Variants in LRRC3 observed in about 807,000 individuals in gnomAD.
LRRC3 encodes the protein leucine-rich repeat-containing protein 3.
For synonymous variants in LRRC3, 172 were observed against 164.1 expected (o/e 1.05, Z -0.37); for missense variants, 351 against 361.6 (o/e 0.97, Z 0.24).
Position 44,457,458 on chromosome 21 carries a change from T to G in LRRC3, c.*40T>G. 6.5e-7 allele frequency: 1 copy of G among 1,536,860 alleles called. No homozygotes were observed. ...GACCCCCGCCGGTGGCTGCTGTCACTTTTGTAGTAGGTGGTGACTGATGCT... is the reference window on the plus strand; with the variant it reads ...GACCCCCGCCGGTGGCTGCTGTCACGTTTGTAGTAGGTGGTGACTGATGCT... On this transcript the variant is annotated 3_prime_UTR_variant, in exon 2 of 2. Transcript: ENST00000291592.
Position 44,458,442 on chromosome 21 carries a change from G to A in LRRC3, c.*1024G>A, listed in dbSNP as rs1375160447. On this transcript the variant is annotated 3_prime_UTR_variant, in exon 2 of 2. Coordinates refer to ENST00000291592, the MANE Select transcript of LRRC3 (RefSeq NM_030891.6). The stretch of plus-strand genomic sequence containing the variant: ...GCCTCCCAAAGTGCTGGGATTACAG[G>A]CGTCAGCCACCGCGCCCGGCCCTGT... The A allele has an allele frequency of 3.6e-5, 6 of 167,050 alleles. No homozygotes were observed. Among genetic ancestry groups the A allele is most frequent in the South Asian group, 2.1e-4 (1 of 4,834 alleles). 10.3% of individuals were successfully genotyped at this position (167,050 alleles called of 1,614,324 possible).
chr21:44,456,932 TC>T lies in LRRC3; in HGVS notation c.289del (p.His97ThrfsTer64). Reference protein sequence around the residue: ...LHRLRELDLSHNAIEAIGSAT... With the variant: ...LHRLRELDLSXNAIEAIGSAT... ...ACCGGCTCAGGGAGCTGGATCTGTC[TC>T]ACAACGCCATCGAGGCCATCGGCTC... On this transcript the variant is annotated frameshift_variant, in exon 2 of 2. Transcript: ENST00000291592. LOFTEE classifies it low-confidence loss of function (END_TRUNC). 1 of 1,610,684 alleles carries T rather than the reference TC, an allele frequency of 6.2e-7. No homozygotes were observed.
Position 44,456,617 on chromosome 21 carries a change from C to T in LRRC3, c.-28C>T, listed in dbSNP as rs756777352. ...ATCCCCAGGCCCTAGCAGAGGCTCG[C>T]GTGTCCCCGTCCCCAGGTCAGGTCA... On this transcript the variant is annotated 5_prime_UTR_variant, in exon 2 of 2. Transcript: ENST00000291592. 90 of 1,551,144 alleles carry T rather than the reference C, an allele frequency of 5.8e-5. 1 individual carries two copies. The South Asian group carries it at 9.7e-4, about 17-fold the overall frequency.
At position 44,455,582 on chromosome 21, in the gene LRRC3, G is replaced by A. The variant is rs1331447326; in HGVS notation, c.-221G>A. ...CAGCGGGGTGGCCGCCGCGCCAGGC[G>A]TGGAGCTGGGTCTGGCGGGCTCCGA... On this transcript the variant is annotated 5_prime_UTR_variant, in exon 1 of 2. It adds an upstream start codon to the 5' untranslated region. Coordinates refer to ENST00000291592, the MANE Select transcript of LRRC3 (RefSeq NM_030891.6). 1 of 151,644 alleles carries A rather than the reference G, an allele frequency of 6.6e-6. No homozygotes were observed. The highest frequency in any genetic ancestry group is 6.6e-5 in the Admixed American group (1 of 15,236). The allele number at this position is 151,644 out of a possible 1,614,324, so 9.4% of individuals were successfully genotyped here. A position where few individuals can be genotyped will look rare whatever the true frequency, so the allele number is the denominator to read the frequency against.
In LRRC3 at chr21:44,457,617, G is replaced by A; in HGVS notation, c.*199G>A. 1.7e-6 allele frequency: 1 copy of A among 605,908 alleles called. No homozygotes were observed. The highest frequency in any genetic ancestry group is 2.9e-6 in the Non-Finnish European group (1 of 342,646). 37.5% of individuals were successfully genotyped at this position (605,908 alleles called of 1,614,324 possible). A position where few individuals can be genotyped will look rare whatever the true frequency, so the allele number is the denominator to read the frequency against. ...ACGGATGAGGAACCTGAAGCTTAGA[G>A]GAACGGAATGACTGCCCGTGACGAT... On this transcript the variant is annotated 3_prime_UTR_variant, in exon 2 of 2. Transcript: ENST00000291592.
Position 44,459,354 on chromosome 21 carries a change from G to A in LRRC3, c.*1936G>A, listed in dbSNP as rs1443217092. The A allele has an allele frequency of 2.0e-5, 3 of 152,318 alleles. No homozygotes were observed. The highest frequency in any genetic ancestry group is 1.9e-4 in the East Asian group (1 of 5,196). The allele number at this position is 152,318 out of a possible 1,614,324, so 9.4% of individuals were successfully genotyped here. On this transcript the variant is annotated 3_prime_UTR_variant, in exon 2 of 2. Coordinates refer to ENST00000291592, the MANE Select transcript of LRRC3 (RefSeq NM_030891.6). Reference sequence around the variant, plus strand: ...GTGGGGATTTCCTTCCAGAGGACACGTGGCTGAAAGCATAGGATAAGGATG... The same window carrying A: ...GTGGGGATTTCCTTCCAGAGGACACATGGCTGAAAGCATAGGATAAGGATG...
Position 44,457,533 on chromosome 21 carries a change from T to C in LRRC3, c.*115T>C, listed in dbSNP as rs1284990880. ...TGTCACAGCCATGTGTGCTCCCCAC[T>C]GTTGCACTCAGGCACAGCAGCACCT... On this transcript the variant is annotated 3_prime_UTR_variant, in exon 2 of 2. Coordinates refer to ENST00000291592, the MANE Select transcript of LRRC3 (RefSeq NM_030891.6). 1.3e-5 allele frequency: 16 copies of C among 1,220,230 alleles called. No homozygotes were observed. Among genetic ancestry groups the C allele is most frequent in the African/African-American group, 1.5e-5 (1 of 65,410 alleles). 75.6% of individuals were successfully genotyped at this position (1,220,230 alleles called of 1,614,324 possible). A position where few individuals can be genotyped will look rare whatever the true frequency, so the allele number is the denominator to read the frequency against.
Position 44,457,675 on chromosome 21 carries a change from C to T in LRRC3, c.*257C>T, listed in dbSNP as rs1436927643. On this transcript the variant is annotated 3_prime_UTR_variant, in exon 2 of 2. Transcript: ENST00000291592. ...GGAAATTATCCCAGTGGAACTTCAA[C>T]CCGGGCTGTCCATCGTGACATTCCG... The T allele has an allele frequency of 1.9e-6, 1 of 520,560 alleles. No homozygotes were observed. The highest frequency in any genetic ancestry group is 1.9e-5 in the African/African-American group (1 of 51,350). 32.2% of individuals were successfully genotyped at this position (520,560 alleles called of 1,614,324 possible). A position where few individuals can be genotyped will look rare whatever the true frequency, so the allele number is the denominator to read the frequency against.
Position 44,460,187 on chromosome 21 carries a change from C to A in LRRC3, c.*2769C>A, listed in dbSNP as rs2051734717. 2 of 152,658 alleles carry A rather than the reference C, an allele frequency of 1.3e-5. No homozygotes were observed. Among genetic ancestry groups the A allele is most frequent in the Non-Finnish European group, 1.5e-5 (1 of 68,248 alleles). The allele number at this position is 152,658 out of a possible 1,614,324, so 9.5% of individuals were successfully genotyped here. On this transcript the variant is annotated 3_prime_UTR_variant, in exon 2 of 2. Coordinates refer to ENST00000291592, the MANE Select transcript of LRRC3 (RefSeq NM_030891.6). The stretch of plus-strand genomic sequence containing the variant: ...CCCTCCACTTCCTTTCTCTGCCGTC[C>A]CCTCCTCTCCCATCTTGTGACCTCT...
At position 44,457,507 on chromosome 21, in the gene LRRC3, G is replaced by A; in HGVS notation, c.*89G>A. 3 of 1,410,404 alleles carry A rather than the reference G, an allele frequency of 2.1e-6. No homozygotes were observed. Among genetic ancestry groups the A allele is most frequent in the Admixed American group, 2.5e-5 (1 of 40,738 alleles). 87.4% of individuals were successfully genotyped at this position (1,410,404 alleles called of 1,614,324 possible). ...CTGCTTTTGCTCTTCCCTGAGGCAG[G>A]TGTCACAGCCATGTGTGCTCCCCAC... On this transcript the variant is annotated 3_prime_UTR_variant, in exon 2 of 2. Transcript: ENST00000291592.
intron 1 of LRRC3, among the ~76,000 whole-genome samples, chr21:44,456,141 C>T (rs1377007219): frequency 6.6e-6 from 1 of 152,116 alleles, no homozygotes; most frequent in East Asian, 1.9e-4. Context: ...CTGGCGTCCA[C>T]CCTGAGGAGG....
At position 44,456,577 on chromosome 21, in the gene LRRC3, G is replaced by C. The variant is rs1267687694; in HGVS notation, c.-68G>C. On this transcript the variant is annotated 5_prime_UTR_variant, in exon 2 of 2. Transcript: ENST00000291592. Reference sequence around the variant, plus strand: ...TGTCTGGTTGGATAAGGCCTTGCCTGCGGAAACCAGCTCCATCCCCAGGCC... The same window carrying C: ...TGTCTGGTTGGATAAGGCCTTGCCTCCGGAAACCAGCTCCATCCCCAGGCC... 2.0e-6 allele frequency: 3 copies of C among 1,496,748 alleles called. No homozygotes were observed. 92.7% of individuals were successfully genotyped at this position (1,496,748 alleles called of 1,614,324 possible).
rs528323849 is a variant in LRRC3, at chr21:44,458,161, A to C, written c.*743A>C. On this transcript the variant is annotated 3_prime_UTR_variant, in exon 2 of 2. Transcript: ENST00000291592. ...GCCCAGGGGAAGACAGCAGCCACAT[A>C]CCTGGGGGCCCGCCTGCTTCCTGCC... 6.2e-6 allele frequency: 1 copy of C among 160,658 alleles called. No individual in the cohort carries two copies. Among genetic ancestry groups the C allele is most frequent in the Non-Finnish European group, 1.5e-5 (1 of 68,150 alleles). 10.0% of individuals were successfully genotyped at this position (160,658 alleles called of 1,614,324 possible). A position where few individuals can be genotyped will look rare whatever the true frequency, so the allele number is the denominator to read the frequency against.
chr21:44,457,149 G>A lies in LRRC3; in HGVS notation c.505G>A (p.Glu169Lys), dbSNP rs565155716. Reference sequence around the variant, plus strand: ...GAAGCTGGACCCCGACTCTGTGGACGAGATCGCCTGCCACACCTCAGTGCA... The same window carrying A: ...GAAGCTGGACCCCGACTCTGTGGACAAGATCGCCTGCCACACCTCAGTGCA... The part of the protein sequence containing the change: ...ELKLDPDSVD[E>K]IACHTSVQEE... Residue 169 changes from glutamate to lysine, a missense_variant, in exon 2 of 2, where the codon GAG becomes AAG. Physicochemically the swap from Glu to Lys is moderately conservative, Grantham distance 56. Transcript: ENST00000291592. 15 of 1,613,164 alleles carry A rather than the reference G, an allele frequency of 9.3e-6. No homozygotes were observed. The highest frequency in any genetic ancestry group is 1.2e-5 in the Non-Finnish European group (14 of 1,180,038).
At chr21:44,456,296 G>C (rs551686941) in intron 1 of LRRC3, among the ~76,000 whole-genome samples, 1 of 152,324 alleles carries the variant, frequency 6.6e-6, no homozygotes, top group Non-Finnish European at 1.5e-5. Flanking sequence ...TGCACTTGTG[G>C]GACGCTCCTC....
chr21:44,457,346 G>A lies in LRRC3; in HGVS notation c.702G>A (p.Arg234=). The part of the protein sequence containing the change: ...YYVRHNQEDA[R]RHLEYLKSLP... ...TGCGCCACAACCAGGAGGATGCCCG[G>A]AGGCACCTGGAGTACCTGAAGTCTC... is the stretch of plus-strand genomic sequence containing the variant. Residue 234 remains arginine (R), a synonymous_variant, in exon 2 of 2, where the codon CGG becomes CGA. Transcript: ENST00000291592. The A allele has an allele frequency of 6.2e-7, 1 of 1,611,670 alleles. No individual in the cohort carries two copies. Among genetic ancestry groups the A allele is most frequent in the Non-Finnish European group, 8.5e-7 (1 of 1,178,630 alleles).
chr21:44,459,808 C>G lies in LRRC3; in HGVS notation c.*2390C>G, dbSNP rs1017706507. The G allele has an allele frequency of 1.4e-4, 21 of 152,112 alleles. No homozygotes were observed. Among genetic ancestry groups the G allele is most frequent in the African/African-American group, 4.8e-4 (20 of 41,374 alleles). 9.4% of individuals were successfully genotyped at this position (152,112 alleles called of 1,614,324 possible). A position where few individuals can be genotyped will look rare whatever the true frequency, so the allele number is the denominator to read the frequency against. ...CCCCAATTTGCTGGGCTGCCTCAGC[C>G]CAGGGTCTGGCCTTCTCCTTGGTGA... On this transcript the variant is annotated 3_prime_UTR_variant, in exon 2 of 2. Coordinates refer to ENST00000291592, the MANE Select transcript of LRRC3 (RefSeq NM_030891.6).
Position 44,456,990 on chromosome 21 carries a change from C to T in LRRC3, c.346C>T (p.Arg116Trp), listed in dbSNP as rs760082832. The change falls in exon 2 of 2, where the codon CGG becomes TGG. Residue 116 changes from arginine (R) to tryptophan (W), a missense_variant. By Grantham distance (101) the Arg-to-Trp change is moderately radical (BLOSUM62 -3). Transcript: ENST00000291592. The part of the protein sequence containing the change: ...ATFAGLAGGL[R>W]LLDLSYNRIQ... ...CTTCGCGGGCCTGGCCGGGGGCCTGCGGCTGCTGGACCTGTCTTACAACCG... is the reference window on the plus strand; with the variant it reads ...CTTCGCGGGCCTGGCCGGGGGCCTGTGGCTGCTGGACCTGTCTTACAACCG... 1.9e-5 allele frequency: 31 copies of T among 1,606,432 alleles called. No homozygotes were observed. In the East Asian group the frequency reaches 4.5e-4, roughly 23 times the overall value.
chr21:44,457,349 G>A lies in LRRC3; in HGVS notation c.705G>A (p.Arg235=). The A allele has an allele frequency of 1.2e-6, 2 of 1,611,566 alleles. No individual in the cohort carries two copies. The highest frequency in any genetic ancestry group is 8.5e-7 in the Non-Finnish European group (1 of 1,178,556). The change falls in exon 2 of 2, where the codon AGG becomes AGA. Residue 235 remains arginine (R), a synonymous_variant. Transcript: ENST00000291592. ...GCCACAACCAGGAGGATGCCCGGAG[G>A]CACCTGGAGTACCTGAAGTCTCTGC... The part of the protein sequence containing the change: ...YVRHNQEDAR[R]HLEYLKSLPS...
Sources: allele counts gnomAD v4.1 joint callset (sites outside exome capture counted in the v4.1 genomes callset), GRCh38; gene constraint gnomAD v4.1.1; transcripts MANE v1.5; gene names NCBI Gene and HGNC (gene_info 2026-07-23, HGNC 2026-07-21).